Variants in TAFA4 observed in about 807,000 individuals in gnomAD.
TAFA4 encodes the protein chemokine-like protein TAFA-4.
TAFA4 carries 20 observed loss-of-function variants against 21.1 expected under a neutral mutation model. The ratio of observed to expected loss-of-function variants is 0.95; its 90% CI spans 0.67 to 1.38. The LOEUF is 1.38. TAFA4 is among the 40% of genes most tolerant of loss of function. TAFA4 has a pLI of 0.00. For synonymous variants in TAFA4, 71 were observed against 67.4 expected (o/e 1.05, Z -0.26); for missense variants, 211 against 180.9 (o/e 1.17, Z -0.95).
intron 3 of TAFA4, among the ~76,000 whole-genome samples, chr3:68,869,519 T>G (rs1449370664): frequency 1.3e-5 from 2 of 152,014 alleles, no homozygotes; most frequent in Non-Finnish European, 2.9e-5. Context: ...CATGATCAAA[T>G]AATCAATGTC....
intron 3 of TAFA4, among the ~76,000 whole-genome samples, chr3:68,866,075 T>C (rs923567331): frequency 2.6e-5 from 4 of 152,094 alleles, no homozygotes; most frequent in African/African-American, 7.2e-5. Context: ...CAAGTGCCGG[T>C]AGGGAGAAAA....
chr3:68,805,220 C>T (rs559411481), intron 3 of TAFA4, among the ~76,000 whole-genome samples: 11 of 152,274 alleles, frequency 7.2e-5, no homozygotes, highest in Admixed American at 6.5e-4. Context: ...TCATCACTGG[C>T]CATCAGAGAA....
At chr3:68,799,885 A>G (rs1703537639) in intron 3 of TAFA4, among the ~76,000 whole-genome samples, 1 of 152,074 alleles carries the variant, frequency 6.6e-6, no homozygotes, top group Non-Finnish European at 1.5e-5. Context: ...CCCATCACTC[A>G]CATTACAGCC....
At chr3:68,824,674 A>T (rs1704187619) in intron 3 of TAFA4, among the ~76,000 whole-genome samples, 1 of 152,170 alleles carries the variant, frequency 6.6e-6, no homozygotes, top group Admixed American at 6.6e-5. Flanking sequence ...CACACACTAA[A>T]TACCAGAAAT....
At chr3:68,873,396 T>TGACCTA (rs59111731) in intron 3 of TAFA4, among the ~76,000 whole-genome samples, 26,903 of 146,340 alleles carry the variant, frequency 0.18, 3,770 homozygotes, top group East Asian at 0.67. Flanking sequence ...AGAAAAATGC[T>TGACCTA]GACCTAGCCA....
chr3:68,893,301 G>T (rs1007099344), intron 1 of TAFA4, among the ~76,000 whole-genome samples: 4 of 152,058 alleles, frequency 2.6e-5, no homozygotes, highest in Admixed American at 2.6e-4. Flanking sequence ...TAAATAATAG[G>T]TCTTCTAATA....
At chr3:68,851,004 G>A (rs1332143343) in intron 3 of TAFA4, among the ~76,000 whole-genome samples, 1 of 151,938 alleles carries the variant, frequency 6.6e-6, no homozygotes. Context: ...ATATGCTCAA[G>A]GGAATATAAA....
chr3:68,767,114 A>G (rs1325234601), intron 3 of TAFA4, among the ~76,000 whole-genome samples: 1 of 152,160 alleles, frequency 6.6e-6, no homozygotes, highest in Non-Finnish European at 1.5e-5. Flanking sequence ...GGTTACATGG[A>G]TGAATTGTAT....
chr3:68,735,819 G>A (rs1057443378), intron 5 of TAFA4, among the ~76,000 whole-genome samples: 1 of 152,098 alleles, frequency 6.6e-6, no homozygotes, highest in Non-Finnish European at 1.5e-5. Flanking sequence ...ATTCTTTAAA[G>A]CAGCTTTTCA....
intron 3 of TAFA4, among the ~76,000 whole-genome samples, chr3:68,759,740 G>A (rs936983612): frequency 6.6e-6 from 1 of 152,186 alleles, no homozygotes; most frequent in African/African-American, 2.4e-5. Flanking sequence ...GTGAATTGGA[G>A]CAGGCAAGAC....
rs757905836 is a variant in TAFA4, at chr3:68,880,765, A to T, written c.95T>A (p.Met32Lys). ...CCGGAGGTGCTGGCTTGAGGCGGAC[A>T]TCAGCTTACAGCACACCATTAACAC... is the stretch of plus-strand genomic sequence containing the variant. ...AYVLMVCCKL[M>K]SASSQHLRGH... Residue 32 changes from methionine to lysine, a missense_variant, in exon 3 of 6, where the codon ATG (methionine) becomes AAG (lysine). Physicochemically the swap from Met to Lys is moderately conservative, Grantham distance 95 (BLOSUM62 -1). Coordinates refer to ENST00000295569, the MANE Select transcript of TAFA4 (RefSeq NM_182522.5). The T allele has an allele frequency of 2.0e-5, 33 of 1,613,894 alleles. 1 individual carries two copies. The South Asian group carries it at 3.6e-4, about 18-fold the overall frequency.
At chr3:68,815,671 C>T (rs1703958137) in intron 3 of TAFA4, among the ~76,000 whole-genome samples, 1 of 152,144 alleles carries the variant, frequency 6.6e-6, no homozygotes, top group Non-Finnish European at 1.5e-5. Flanking sequence ...ACAACAGGTG[C>T]TGGAGAGGAT....
At chr3:68,926,630 C>T (rs532587669) in intron 1 of TAFA4, among the ~76,000 whole-genome samples, 11 of 152,114 alleles carry the variant, frequency 7.2e-5, no homozygotes, top group Non-Finnish European at 1.6e-4. Flanking sequence ...TAATTCTTTG[C>T]GGCCAGGCGT....
chr3:68,912,674 G>C (rs909291406), intron 1 of TAFA4, among the ~76,000 whole-genome samples: 1 of 152,188 alleles, frequency 6.6e-6, no homozygotes, highest in African/African-American at 2.4e-5. Flanking sequence ...GGTGCTGCTG[G>C]CTCCTGTTCA....
At chr3:68,748,795 A>G (rs567028471) in intron 4 of TAFA4, among the ~76,000 whole-genome samples, 5 of 152,282 alleles carry the variant, frequency 3.3e-5, no homozygotes, top group Admixed American at 2.0e-4. Context: ...AATTTTTTAA[A>G]TAGCTTTGAA....
At chr3:68,875,685 A>G (rs1343316850) in intron 3 of TAFA4, among the ~76,000 whole-genome samples, 1 of 152,122 alleles carries the variant, frequency 6.6e-6, no homozygotes, top group Non-Finnish European at 1.5e-5. Flanking sequence ...TATTGATCAA[A>G]ATAAGTTTGC....
At chr3:68,901,799 T>C (rs2089845893) in intron 1 of TAFA4, among the ~76,000 whole-genome samples, 1 of 152,194 alleles carries the variant, frequency 6.6e-6, no homozygotes, top group Non-Finnish European at 1.5e-5. Context: ...TGGAACACAC[T>C]GGAAGGAGGG....
intron 1 of TAFA4, among the ~76,000 whole-genome samples, chr3:68,917,587 T>G (rs1237612828): frequency 1.3e-5 from 2 of 151,714 alleles, no homozygotes; most frequent in Non-Finnish European, 2.9e-5. Context: ...ACCCCATCTC[T>G]ACTACAAATA....
intron 3 of TAFA4, among the ~76,000 whole-genome samples, chr3:68,786,429 G>A (rs1041108793): frequency 1.3e-5 from 2 of 152,148 alleles, no homozygotes; most frequent in African/African-American, 4.8e-5. Context: ...TCACACCTAT[G>A]AGTAAACACT....
Sources: allele counts gnomAD v4.1 joint callset (sites outside exome capture counted in the v4.1 genomes callset), GRCh38; gene constraint gnomAD v4.1.1; transcripts MANE v1.5; gene names NCBI Gene and HGNC (gene_info 2026-07-23, HGNC 2026-07-21).